SYTL3: variants seen among roughly 807,000 people sequenced by gnomAD.
The protein encoded by SYTL3 is synaptotagmin-like protein 3.
Under a neutral mutation model 82.1 loss-of-function variants are expected in SYTL3, and 88 were observed. The observed-to-expected ratio is 1.07, with a 90% CI of 0.90 to 1.28. The LOEUF is 1.28. Among genes scored for constraint, SYTL3 ranks in the 50% most tolerant of loss-of-function variants. SYTL3 has a pLI of 0.00. For missense variants in SYTL3, 831 were observed against 757.6 expected (o/e 1.10, Z -1.14); for synonymous variants, 311 against 289.4 (o/e 1.07, Z -0.76).
Position 158,764,642 on chromosome 6 carries a change from A to G in SYTL3, c.*38A>G, listed in dbSNP as rs113889294. 2.0e-6 allele frequency: 3 copies of G among 1,475,622 alleles called. No individual in the cohort carries two copies. In the South Asian group the frequency reaches 3.4e-5, roughly 17 times the overall value. 91.4% of individuals were successfully genotyped at this position (1,475,622 alleles called of 1,614,324 possible). On this transcript the variant is annotated 3_prime_UTR_variant, in exon 18 of 18. Transcript: ENST00000611299. ...AAGGTTCCAGGTTGCAGCAGGCGTG[A>G]GGCACTGTGCGTCTGCAGAGGGGCT... is the stretch of plus-strand genomic sequence containing the variant.
intron 11 of SYTL3, among the ~76,000 whole-genome samples, chr6:158,744,847 T>C (rs1423122972): frequency 6.6e-6 from 1 of 152,248 alleles, no homozygotes; most frequent in Non-Finnish European, 1.5e-5. Context: ...CCTCTCCTTA[T>C]CTACATCGTA....
upstream of SYTL3, among the ~76,000 whole-genome samples, chr6:158,645,907 G>T (rs1361101260): frequency 6.6e-6 from 1 of 152,084 alleles, no homozygotes; most frequent in African/African-American, 2.4e-5. Flanking sequence ...TGTGACCACG[G>T]CATCTAAGGT....
chr6:158,684,109 TATTCATG>T (rs1178255118), intron 6 of SYTL3, among the ~76,000 whole-genome samples: 1 of 152,220 alleles, frequency 6.6e-6, no homozygotes, highest in African/African-American at 2.4e-5. Context: ...ACCCGTAATT[TATTCATG>T]ATTCATGATT....
At chr6:158,658,184 G>A (rs1252696837) in intron 2 of SYTL3, among the ~76,000 whole-genome samples, 9 of 152,164 alleles carry the variant, frequency 5.9e-5, no homozygotes, top group Non-Finnish European at 1.2e-4. Context: ...GAGCCACCAC[G>A]CCCGGCCCAC....
chr6:158,653,898 G>C (rs1788357909), intron 2 of SYTL3, among the ~76,000 whole-genome samples: 1 of 152,212 alleles, frequency 6.6e-6, no homozygotes, highest in African/African-American at 2.4e-5. Context: ...ACTGCTCAGA[G>C]ACAATAGATG....
chr6:158,660,742 G>A (rs184969676), intron 2 of SYTL3, among the ~76,000 whole-genome samples: 1 of 152,292 alleles, frequency 6.6e-6, no homozygotes, highest in Non-Finnish European at 1.5e-5. Context: ...CAGAGCAAGT[G>A]TTTGCAGCCA....
At chr6:158,762,895 C>T (rs575816441) in intron 16 of SYTL3, among the ~76,000 whole-genome samples, 12 of 152,130 alleles carry the variant, frequency 7.9e-5, no homozygotes, top group South Asian at 2.1e-4. Flanking sequence ...CCAGCCTGGG[C>T]GACAGAACAA....
At chr6:158,762,682 T>A (rs1266238753) in intron 16 of SYTL3, among the ~76,000 whole-genome samples, 1 of 152,140 alleles carries the variant, frequency 6.6e-6, no homozygotes, top group Non-Finnish European at 1.5e-5. Flanking sequence ...TTTGGGAGGC[T>A]GAGGCAGGTG....
intron 7 of SYTL3, among the ~76,000 whole-genome samples, 155 bp from the exon 8 acceptor site, chr6:158,708,167 A>G (rs1782324166): frequency 6.6e-6 from 1 of 152,184 alleles, no homozygotes; most frequent in South Asian, 2.1e-4. Flanking sequence ...AGCAGGTCCA[A>G]GCAGGGCTGC....
At chr6:158,701,170 A>AAGGAGGTGAGCTGGGGTGTAGATGG (rs1781181528) in intron 6 of SYTL3, among the ~76,000 whole-genome samples, 1 of 142,796 alleles carries the variant, frequency 7.0e-6, no homozygotes, top group African/African-American at 2.9e-5. Flanking sequence ...GGTGTAGATG[A>AAGGAGGTGAGCTGGGGTGTAGATGG]AGGAGGTGAG....
intron 11 of SYTL3, among the ~76,000 whole-genome samples, chr6:158,743,598 C>CTTAT: frequency 1.6e-5 from 1 of 63,080 alleles, no homozygotes; most frequent in African/African-American, 7.4e-5. Context: ...CCAGTCCAAG[C>CTTAT]TTTTTTTTTT....
At chr6:158,647,657 C>A (rs11967158), upstream of SYTL3, among the ~76,000 whole-genome samples, 7,006 of 152,330 alleles carry the variant, frequency 0.046, 371 homozygotes, top group African/African-American at 0.13. Flanking sequence ...CACCAGATGC[C>A]ATTTCCAGCA....
At chr6:158,764,432 G>A in intron 17 of SYTL3, 63 bp from the exon 18 acceptor site, 2 of 1,236,548 alleles carry the variant, frequency 1.6e-6, no homozygotes, top group Non-Finnish European at 2.4e-6. Context: ...ATTTTTAAAG[G>A]GATGAGAGGG....
intron 6 of SYTL3, among the ~76,000 whole-genome samples, chr6:158,704,732 T>C (rs1205084993): frequency 6.6e-6 from 1 of 152,230 alleles, no homozygotes; most frequent in Non-Finnish European, 1.5e-5. Flanking sequence ...CAGGTGGTAG[T>C]GTGATAGCCT....
At chr6:158,673,945 G>A (rs1263276764) in intron 5 of SYTL3, among the ~76,000 whole-genome samples, 1 of 151,022 alleles carries the variant, frequency 6.6e-6, no homozygotes. Context: ...TTAGTTGGAT[G>A]TGGTGGCACA....
chr6:158,757,293 T>G lies in SYTL3; in HGVS notation c.1220T>G (p.Phe407Cys). The change falls in exon 14 of 18, where the codon TTT becomes TGT. Residue 407 changes from phenylalanine (F) to cysteine (C), a missense_variant. Transcript: ENST00000611299. Reference sequence around the variant, plus strand: ...CTGGGCACGCTGGCCCGGAGAGTGTTTCTTGGAGAAGTGATCATTCCTCTG... The same window carrying G: ...CTGGGCACGCTGGCCCGGAGAGTGTGTCTTGGAGAAGTGATCATTCCTCTG... ...WHLGTLARRV[F>C]LGEVIIPLAT... 1 of 1,613,738 alleles carries G rather than the reference T, an allele frequency of 6.2e-7. No homozygotes were observed. The highest frequency in any genetic ancestry group is 2.2e-5 in the East Asian group (1 of 44,858).
intron 10 of SYTL3, among the ~76,000 whole-genome samples, chr6:158,721,612 A>G (rs1010748269): frequency 2.3e-4 from 35 of 151,928 alleles, no homozygotes; most frequent in African/African-American, 8.5e-4. Context: ...GTTGAAATAT[A>G]AGGAGTACAC....
intron 6 of SYTL3, among the ~76,000 whole-genome samples, chr6:158,689,802 T>C (rs1779670806): frequency 6.6e-6 from 1 of 152,046 alleles, no homozygotes; most frequent in East Asian, 1.9e-4. Context: ...TATAGGCACA[T>C]GTCACCATGC....
intron 14 of SYTL3, among the ~76,000 whole-genome samples, chr6:158,759,995 C>T (rs1301779579): frequency 6.6e-6 from 1 of 152,138 alleles, no homozygotes. Context: ...AGACTGGACA[C>T]ACCCTGCTCT....
Sources: gnomAD v4.1 joint callset for allele counts (sites outside exome capture counted in the v4.1 genomes callset) on GRCh38, gnomAD v4.1.1 for gene constraint, MANE v1.5 for transcripts, NCBI Gene and HGNC (gene_info 2026-07-23, HGNC 2026-07-21) for gene names.